Variants in LSAMP observed in about 807,000 individuals in gnomAD.
The protein encoded by LSAMP is limbic system-associated membrane protein.
A neutral mutation model predicts 38.6 loss-of-function variants in LSAMP; 7 were observed. The ratio of observed to expected loss-of-function variants is 0.18; its 90% CI spans 0.10 to 0.34. The LOEUF (loss-of-function observed/expected upper bound fraction) is 0.34, where lower values mean the gene tolerates loss of function less well. Ranked by LOEUF, LSAMP falls within the 10% of genes least tolerant of loss-of-function variation. The pLI, the probability that LSAMP is intolerant of heterozygous loss-of-function variation, is 1.00. For missense variants in LSAMP, 313 were observed against 420.0 expected, an observed-to-expected ratio of 0.75 and a Z score of 2.23; for synonymous variants, 154 against 166.8, an observed-to-expected ratio of 0.92 and a Z score of 0.59.
intron 1 of LSAMP, among the ~76,000 whole-genome samples, chr3:116,325,543 C>T (rs1027948929): frequency 1.8e-4 from 28 of 152,092 alleles, no homozygotes; most frequent in African/African-American, 6.5e-4. Context: ...GATTTCATTT[C>T]CACTGGAGGT....
intron 3 of LSAMP, among the ~76,000 whole-genome samples, chr3:115,932,676 A>G (rs1937599316): frequency 6.6e-6 from 1 of 152,224 alleles, no homozygotes; most frequent in Non-Finnish European, 1.5e-5. Flanking sequence ...TAACCCATGG[A>G]ATGGTTCTCT....
At chr3:116,086,950 C>T (rs1236002463) in intron 1 of LSAMP, among the ~76,000 whole-genome samples, 2 of 152,162 alleles carry the variant, frequency 1.3e-5, no homozygotes, top group African/African-American at 4.8e-5. Context: ...TGTGTTTACT[C>T]TTTTATAAGT....
chr3:116,425,313 T>C (rs545292255), intron 1 of LSAMP, among the ~76,000 whole-genome samples: 31 of 152,206 alleles, frequency 2.0e-4, no homozygotes, highest in Non-Finnish European at 3.8e-4. Context: ...CCTTTGGCCA[T>C]GTAACCATAG....
Position 116,207,639 on chromosome 3 carries a change from G to T in LSAMP, c.156-121083C>A, listed in dbSNP as rs376968210. On this transcript the variant is annotated intron_variant, in intron 1 of 6. Coordinates refer to ENST00000490035, the MANE Select transcript of LSAMP (RefSeq NM_002338.5). ...TCTCAGCATTTTCTTGTCTGTAAAG[G>T]ATTTTATTTCTCCTTCACTTATGAA... Among the ~76,000 whole-genome samples, 642 of 151,860 alleles carry T rather than the reference G, an allele frequency of 4.2e-3. 6 individuals are homozygous for T. Among genetic ancestry groups the T allele is most frequent in the African/African-American group, 0.014 (598 of 41,382 alleles).
chr3:116,399,441 A>G (rs1294912590), intron 1 of LSAMP, among the ~76,000 whole-genome samples: 2 of 152,200 alleles, frequency 1.3e-5, no homozygotes, highest in Non-Finnish European at 2.9e-5. Flanking sequence ...TTGAGATGTT[A>G]AGGAAGAGAG....
chr3:115,853,703 G>T (rs1325798843), intron 3 of LSAMP, among the ~76,000 whole-genome samples: 2 of 152,168 alleles, frequency 1.3e-5, no homozygotes, highest in Non-Finnish European at 2.9e-5. Flanking sequence ...CCTAGCCAGA[G>T]CTTGGCCAGA....
intron 1 of LSAMP, among the ~76,000 whole-genome samples, chr3:116,255,882 A>G (rs1004077467): frequency 6.6e-6 from 1 of 152,186 alleles, no homozygotes; most frequent in Non-Finnish European, 1.5e-5. Context: ...AGTAGGAGAT[A>G]CTGCTGAGAG....
chr3:116,328,187 G>T (rs1371503498), intron 1 of LSAMP, among the ~76,000 whole-genome samples: 1 of 152,066 alleles, frequency 6.6e-6, no homozygotes, highest in Non-Finnish European at 1.5e-5. Flanking sequence ...TAGTCAGTTG[G>T]GCAATAAAGC....
chr3:116,265,498 G>T (rs2046879765), intron 1 of LSAMP, among the ~76,000 whole-genome samples: 1 of 152,162 alleles, frequency 6.6e-6, no homozygotes, highest in Non-Finnish European at 1.5e-5. Flanking sequence ...CGTATACCCT[G>T]CCAGAACATG....
intron 1 of LSAMP, among the ~76,000 whole-genome samples, chr3:116,304,248 A>G (rs938264063): frequency 1.3e-5 from 2 of 152,206 alleles, no homozygotes; most frequent in Non-Finnish European, 2.9e-5. Flanking sequence ...CAATATGCTT[A>G]TAATCATAAA....
intron 3 of LSAMP, among the ~76,000 whole-genome samples, chr3:115,942,953 G>A (rs1210338899): frequency 6.6e-6 from 1 of 152,168 alleles, no homozygotes; most frequent in African/African-American, 2.4e-5. Flanking sequence ...AGGGAGATGA[G>A]CTAGGCTCAA....
intron 1 of LSAMP, among the ~76,000 whole-genome samples, chr3:116,132,288 C>T (rs1265800931): frequency 6.6e-6 from 1 of 151,770 alleles, no homozygotes; most frequent in African/African-American, 2.4e-5. Context: ...CCCTGGAGGC[C>T]TTGAAAGACA....
chr3:115,872,824 GGAGAA>G (rs878921969), intron 3 of LSAMP, among the ~76,000 whole-genome samples: 1 of 152,126 alleles, frequency 6.6e-6, no homozygotes, highest in Admixed American at 6.6e-5. Flanking sequence ...TAGTGGGAAA[GGAGAA>G]GAGAACTAAT....
At chr3:115,841,330 T>A (rs556629236) in intron 6 of LSAMP, among the ~76,000 whole-genome samples, 1 of 152,344 alleles carries the variant, frequency 6.6e-6, no homozygotes, top group East Asian at 1.9e-4. Context: ...GATTTTACAT[T>A]ATGTTTTTAT....
chr3:115,951,314 A>C (rs1938281094), intron 3 of LSAMP, among the ~76,000 whole-genome samples: 1 of 152,234 alleles, frequency 6.6e-6, no homozygotes, highest in South Asian at 2.1e-4. Context: ...AGCAAAAGAA[A>C]TAATTAGCAG....
intron 6 of LSAMP, among the ~76,000 whole-genome samples, chr3:115,816,040 A>C (rs1001937658): frequency 1.3e-5 from 2 of 152,174 alleles, no homozygotes; most frequent in African/African-American, 2.4e-5. Flanking sequence ...AGATGCCTTC[A>C]TATGAGACAA....
At chr3:116,310,492 C>T (rs1371937146) in intron 1 of LSAMP, among the ~76,000 whole-genome samples, 1 of 152,168 alleles carries the variant, frequency 6.6e-6, no homozygotes, top group East Asian at 1.9e-4. Flanking sequence ...GCAACCTTTA[C>T]CTACTCACCA....
At chr3:116,355,103 C>A (rs1432365845) in intron 1 of LSAMP, among the ~76,000 whole-genome samples, 2 of 151,942 alleles carry the variant, frequency 1.3e-5, no homozygotes, top group Non-Finnish European at 2.9e-5. Context: ...TTAACTTGTT[C>A]TTTACCATAT....
At chr3:116,112,370 G>A (rs1043181285) in intron 1 of LSAMP, among the ~76,000 whole-genome samples, 2 of 152,180 alleles carry the variant, frequency 1.3e-5, no homozygotes, top group East Asian at 3.8e-4. Flanking sequence ...TGGCTACACA[G>A]TTTAACATAG....
Sources: allele counts gnomAD v4.1 joint callset (sites outside exome capture counted in the v4.1 genomes callset), GRCh38; gene constraint gnomAD v4.1.1; transcripts MANE v1.5; gene names NCBI Gene and HGNC (gene_info 2026-07-23, HGNC 2026-07-21).